NEK11: variants seen among roughly 807,000 people sequenced by gnomAD.
NEK11 encodes serine/threonine-protein kinase Nek11.
A neutral mutation model predicts 80.7 loss-of-function variants in NEK11; 72 were observed. The observed-to-expected ratio is 0.89, with a 90% CI of 0.74 to 1.08. The LOEUF (loss-of-function observed/expected upper bound fraction) is 1.08. NEK11 is among the 50% of genes least tolerant of loss of function. The pLI is 0.00. For missense variants in NEK11, 764 were observed against 763.6 expected (o/e 1.00, Z -0.01); for synonymous variants, 251 against 260.7 (o/e 0.96, Z 0.36).
intron 17 of NEK11, among the ~76,000 whole-genome samples, chr3:131,326,723 A>G (rs1234474720): frequency 6.6e-6 from 1 of 152,172 alleles, no homozygotes; most frequent in Non-Finnish European, 1.5e-5. Context: ...TGAAGCACGA[A>G]GTCCATGGAG....
At chr3:131,320,538 A>AGAGAGG (rs1352298760) in intron 17 of NEK11, among the ~76,000 whole-genome samples, 1 of 152,066 alleles carries the variant, frequency 6.6e-6, no homozygotes, top group Non-Finnish European at 1.5e-5. Context: ...AGAGAGAGAG[A>AGAGAGG]GAAGGAAAGA....
At chr3:131,274,195 G>A (rs867652581) in intron 17 of NEK11, among the ~76,000 whole-genome samples, 7 of 145,770 alleles carry the variant, frequency 4.8e-5, no homozygotes, top group Middle Eastern at 3.7e-3. Context: ...ACCTATGAGT[G>A]AGAATATGCG....
At chr3:131,057,464 C>T (rs1204466952) in intron 3 of NEK11, among the ~76,000 whole-genome samples, 1 of 150,904 alleles carries the variant, frequency 6.6e-6, no homozygotes, top group Non-Finnish European at 1.5e-5. Context: ...AATCGCCACA[C>T]TGACTTCCAC....
At chr3:131,029,480 AT>A in intron 2 of NEK11, 132 bp from the exon 3 acceptor site, 41 of 362,566 alleles carry the variant, frequency 1.1e-4, no homozygotes, top group South Asian at 1.7e-4. Flanking sequence ...ACCTTTTAAC[AT>A]TTTTTTTCAA....
intron 17 of NEK11, among the ~76,000 whole-genome samples, chr3:131,277,489 C>T (rs978368934): frequency 1.1e-4 from 16 of 152,102 alleles, no homozygotes; most frequent in African/African-American, 3.9e-4. Context: ...AAGAACCTTC[C>T]AGCTCAGTAA....
At chr3:131,240,085 G>A (rs1173946242) in intron 15 of NEK11, among the ~76,000 whole-genome samples, 4 of 152,048 alleles carry the variant, frequency 2.6e-5, no homozygotes, top group Admixed American at 2.6e-4. Context: ...TTTAGTCAAT[G>A]TAATTTTTTT....
chr3:131,124,933 T>C (rs1319268872), intron 5 of NEK11, among the ~76,000 whole-genome samples: 1 of 152,134 alleles, frequency 6.6e-6, no homozygotes, highest in Admixed American at 6.5e-5. Flanking sequence ...GATTTCCTCA[T>C]CTCCAGATTG....
At chr3:131,171,054 C>A in intron 14 of NEK11, 167 bp downstream of exon 14, 2 of 639,496 alleles carry the variant, frequency 3.1e-6, no homozygotes, top group Non-Finnish European at 5.6e-6. Context: ...GTAGAGAAGC[C>A]AAGGATTTTT....
chr3:131,120,054 A>T (rs1307274168), intron 5 of NEK11, among the ~76,000 whole-genome samples: 1 of 152,158 alleles, frequency 6.6e-6, no homozygotes, highest in Admixed American at 6.5e-5. Flanking sequence ...TCGTTAGTTG[A>T]TGCAGTTTCT....
At chr3:131,244,336 A>G (rs1400206119) in intron 16 of NEK11, among the ~76,000 whole-genome samples, 1 of 152,094 alleles carries the variant, frequency 6.6e-6, no homozygotes, top group Non-Finnish European at 1.5e-5. Flanking sequence ...TTCTCACCTG[A>G]CCATCACCCT....
intron 5 of NEK11, among the ~76,000 whole-genome samples, chr3:131,120,842 G>C (rs988636837): frequency 6.6e-6 from 1 of 152,076 alleles, no homozygotes; most frequent in Non-Finnish European, 1.5e-5. Flanking sequence ...GTCATTTAAG[G>C]TCTTCTCTAT....
At chr3:131,188,942 C>T (rs147677856) in intron 14 of NEK11, among the ~76,000 whole-genome samples, 16 of 152,194 alleles carry the variant, frequency 1.1e-4, no homozygotes, top group Non-Finnish European at 2.2e-4. Context: ...TAAGGATCTT[C>T]GGGGGAGATC....
chr3:131,199,959 CAG>C (rs913775785), intron 14 of NEK11, among the ~76,000 whole-genome samples: 5 of 152,154 alleles, frequency 3.3e-5, no homozygotes, highest in African/African-American at 9.6e-5. Context: ...CAGGAAATAA[CAG>C]GGGAAAATTT....
intron 3 of NEK11, among the ~76,000 whole-genome samples, chr3:131,069,315 G>T (rs535759443): frequency 6.6e-6 from 1 of 151,982 alleles, no homozygotes; most frequent in Non-Finnish European, 1.5e-5. Context: ...ATTGTCATCT[G>T]ATTGTCTCAC....
intron 9 of NEK11, among the ~76,000 whole-genome samples, chr3:131,153,815 G>A (rs1048514557): frequency 1.3e-5 from 2 of 152,158 alleles, no homozygotes; most frequent in East Asian, 3.8e-4. Flanking sequence ...AAAAAGTAAG[G>A]ATGTAAATAA....
intron 3 of NEK11, chr3:131,053,348 G>A (rs993251108): frequency 6.6e-6 from 1 of 152,152 alleles, no homozygotes; most frequent in Non-Finnish European, 1.5e-5. Context: ...TTAATAAAAG[G>A]CTAAACATAG....
chr3:131,129,764 T>C (rs2084081904), intron 5 of NEK11, among the ~76,000 whole-genome samples: 1 of 152,180 alleles, frequency 6.6e-6, no homozygotes, highest in African/African-American at 2.4e-5. Flanking sequence ...ATTCACGCAG[T>C]TTTATTTCTG....
chr3:131,236,190 G>A (rs1011950341), intron 15 of NEK11, among the ~76,000 whole-genome samples: 1 of 152,124 alleles, frequency 6.6e-6, no homozygotes, highest in African/African-American at 2.4e-5. Context: ...TGTATAGAGT[G>A]GAAAGAGATT....
chr3:131,277,505 G>A (rs1342077895), intron 17 of NEK11, among the ~76,000 whole-genome samples: 4 of 152,162 alleles, frequency 2.6e-5, no homozygotes, highest in Non-Finnish European at 4.4e-5. Flanking sequence ...AGTAAGTAGT[G>A]CCTGAAGGCT....
Sources: allele counts gnomAD v4.1 joint callset (sites outside exome capture counted in the v4.1 genomes callset), GRCh38; gene constraint gnomAD v4.1.1; transcripts MANE v1.5; gene names NCBI Gene and HGNC (gene_info 2026-07-23, HGNC 2026-07-21).